Variants in SEC14L4 observed in about 807,000 individuals in gnomAD.
SEC14L4 encodes the protein SEC14 like lipid binding 4.
SEC14L4 carries 42 observed loss-of-function variants against 55.1 expected under a neutral mutation model. That is an observed-to-expected ratio of 0.76 (90% CI 0.60 to 0.99). The LOEUF (loss-of-function observed/expected upper bound fraction) is 0.99, where lower values mean the gene tolerates loss of function less well. Ranked by LOEUF, SEC14L4 falls within the 50% of genes least tolerant of loss-of-function variation. The probability of loss-of-function intolerance (pLI) is 0.00; values close to 1 mark genes in which losing one functional copy is unlikely to be tolerated. For synonymous variants in SEC14L4, 206 were observed against 206.8 expected (o/e 1.00, Z 0.03); for missense variants, 445 against 512.1 (o/e 0.87, Z 1.27).
rs776435869 is a variant in SEC14L4, at chr22:30,505,596, C to G, written c.16G>C (p.Gly6Arg). The G allele has an allele frequency of 2.6e-6, 4 of 1,566,978 alleles. No homozygotes were observed. Among genetic ancestry groups the G allele is most frequent in the East Asian group, 2.4e-5 (1 of 42,534 alleles). MSSRV[G>R]DLSPQQQEAL... ...TCCTGCTGCTGGGGGCTCAGGTCCC[C>G]GACTCGGCTGCTCATGGTGCCCGCG... is the stretch of plus-strand genomic sequence containing the variant. Residue 6 changes from glycine (G) to arginine (R), a missense_variant, in exon 1 of 12, where the codon GGG (glycine) becomes CGG (arginine). By Grantham distance (125) the Gly-to-Arg change is moderately radical. Coordinates refer to ENST00000255858, the MANE Select transcript of SEC14L4 (RefSeq NM_174977.4).
chr22:30,503,111 A>T (rs1017336581), intron 2 of SEC14L4, among the ~76,000 whole-genome samples: 2 of 152,162 alleles, frequency 1.3e-5, no homozygotes, highest in African/African-American at 2.4e-5. Context: ...TGTTAACTGT[A>T]ACCTCACCTG....
chr22:30,495,916 ACAGATCCTTAC>A lies in SEC14L4; in HGVS notation c.174+1_174+11del. 1 of 1,612,620 alleles carries A rather than the reference ACAGATCCTTAC, an allele frequency of 6.2e-7. No homozygotes were observed. Among genetic ancestry groups the A allele is most frequent in the East Asian group, 2.2e-5 (1 of 44,880 alleles). ...CATGGAAGGCAGGGCAGTAGGGATC[ACAGATCCTTAC>A]CCTTCGGAGCATGTCTTCGGATTTC... On this transcript the variant is annotated splice_donor_variant and splice_donor_5th_base_variant and intron_variant, in intron 3 of 11. Transcript: ENST00000255858. LOFTEE classifies it high-confidence loss of function.
chr22:30,501,473 C>T (rs1485656096), intron 2 of SEC14L4, among the ~76,000 whole-genome samples: 2 of 152,136 alleles, frequency 1.3e-5, no homozygotes, highest in South Asian at 2.1e-4. Context: ...AATCAACTGT[C>T]CCAACTCCTT....
At chr22:30,505,430 G>A in intron 1 of SEC14L4, 128 bp downstream of exon 1, 1 of 975,820 alleles carries the variant, frequency 1.0e-6, no homozygotes, top group South Asian at 1.4e-5. Flanking sequence ...CTGGACCAGA[G>A]GGCAGAACAG....
intron 2 of SEC14L4, among the ~76,000 whole-genome samples, chr22:30,501,870 T>TATAC (rs1441977091): frequency 7.0e-6 from 1 of 143,848 alleles, no homozygotes; most frequent in Non-Finnish European, 1.5e-5. Flanking sequence ...TATATATATA[T>TATAC]ATATACATAC....
chr22:30,492,109 C>G lies in SEC14L4; in HGVS notation c.711G>C (p.Leu237=). The stretch of plus-strand genomic sequence containing the variant: ...TCATGGTCCCCCCAAACTCCACAGG[C>G]AGCTGGTCGGGGCTGATGAATTTTG... ...ELTKFISPDQ[L]PVEFGGTMTD... Residue 237 remains leucine (L), a synonymous_variant, in exon 9 of 12, where the codon CTG becomes CTC. Coordinates refer to ENST00000255858, the MANE Select transcript of SEC14L4 (RefSeq NM_174977.4). 6 of 1,613,914 alleles carry G rather than the reference C, an allele frequency of 3.7e-6. No homozygotes were observed. The highest frequency in any genetic ancestry group is 5.1e-6 in the Non-Finnish European group (6 of 1,179,862).
intron 6 of SEC14L4, 55 bp downstream of exon 6, chr22:30,494,811 G>T: frequency 1.7e-6 from 2 of 1,161,022 alleles, no homozygotes; most frequent in Non-Finnish European, 2.6e-6. Flanking sequence ...CACAGCTAGG[G>T]CTCACAGCTG....
chr22:30,491,430 G>C (rs1429835644), intron 11 of SEC14L4, 143 bp downstream of exon 11: 3 of 852,098 alleles, frequency 3.5e-6, no homozygotes, highest in Middle Eastern at 2.4e-4. Context: ...ACAGGTAGGG[G>C]CCACTCATCT....
At chr22:30,499,326 G>T (rs1021467893) in intron 2 of SEC14L4, among the ~76,000 whole-genome samples, 13 of 150,956 alleles carry the variant, frequency 8.6e-5, no homozygotes, top group South Asian at 4.2e-4. Context: ...CAGGTGATCC[G>T]CCTGCTTCGG....
At chr22:30,499,992 C>G (rs1207712818) in intron 2 of SEC14L4, among the ~76,000 whole-genome samples, 1 of 151,856 alleles carries the variant, frequency 6.6e-6, no homozygotes, top group African/African-American at 2.4e-5. Context: ...GCCTCAGCCT[C>G]CCAAGTAGCC....
intron 2 of SEC14L4, among the ~76,000 whole-genome samples, chr22:30,503,171 T>C (rs1027726807): frequency 1.3e-5 from 2 of 152,186 alleles, no homozygotes; most frequent in Admixed American, 6.5e-5. Flanking sequence ...ATGAAGAAAC[T>C]GAGGCTCAGT....
intron 2 of SEC14L4, among the ~76,000 whole-genome samples, chr22:30,500,166 G>A (rs1053461486): frequency 2.0e-5 from 3 of 151,976 alleles, no homozygotes; most frequent in East Asian, 1.9e-4. Flanking sequence ...CACCGCGCCC[G>A]GCCAACTGGT....
At chr22:30,498,188 T>C (rs1426870215) in intron 2 of SEC14L4, among the ~76,000 whole-genome samples, 1 of 146,108 alleles carries the variant, frequency 6.8e-6, no homozygotes, top group Non-Finnish European at 1.5e-5. Flanking sequence ...GGAGTGCAGA[T>C]CTCAGCTCAC....
At chr22:30,495,847 G>C in intron 3 of SEC14L4, 81 bp downstream of exon 3, 1 of 1,590,650 alleles carries the variant, frequency 6.3e-7, no homozygotes, top group Non-Finnish European at 8.6e-7. Flanking sequence ...ATGGGACAGG[G>C]CCAGAGTCTC....
chr22:30,498,939 T>G (rs1040649040), intron 2 of SEC14L4, among the ~76,000 whole-genome samples: 5 of 151,096 alleles, frequency 3.3e-5, no homozygotes, highest in Non-Finnish European at 7.4e-5. Context: ...TGCATAATTA[T>G]TATTATTATT....
Position 30,494,971 on chromosome 22 carries a change from A to G in SEC14L4, c.424-10T>C, listed in dbSNP as rs574702425. 3.1e-5 allele frequency: 50 copies of G among 1,611,426 alleles called. No homozygotes were observed. The South Asian group carries it at 4.9e-4, about 16-fold the overall frequency. ...CGATCTTCCTGCCCAGCTGCTTGGG[A>G]CAGAGTCATATAGGTCAGACGACAG... On this transcript the variant is annotated splice_polypyrimidine_tract_variant and intron_variant, in intron 5 of 11. Transcript: ENST00000255858.
chr22:30,491,768 G>A (rs571834829), intron 10 of SEC14L4, 26 bp from the exon 11 acceptor site: 29 of 1,612,806 alleles, frequency 1.8e-5, no homozygotes, highest in Middle Eastern at 3.3e-4. Context: ...CCCCATTGGC[G>A]ACCCCCTGCC....
intron 7 of SEC14L4, 75 bp from the exon 8 acceptor site, chr22:30,492,632 G>A: frequency 8.6e-7 from 1 of 1,162,670 alleles, no homozygotes. Flanking sequence ...CCAAGAGCAG[G>A]TGCTGGACAG....
intron 2 of SEC14L4, among the ~76,000 whole-genome samples, chr22:30,502,543 G>A (rs1417219200): frequency 6.6e-6 from 1 of 152,108 alleles, no homozygotes; most frequent in Non-Finnish European, 1.5e-5. Context: ...CCTAAGCTCT[G>A]GGGCAGTGTC....
Sources: gnomAD v4.1 joint callset for allele counts (sites outside exome capture counted in the v4.1 genomes callset) on GRCh38, gnomAD v4.1.1 for gene constraint, MANE v1.5 for transcripts, NCBI Gene and HGNC (gene_info 2026-07-23, HGNC 2026-07-21) for gene names.